TSHZ3: variants seen among roughly 807,000 people sequenced by gnomAD.
The protein encoded by TSHZ3 is teashirt homolog 3.
Under a neutral mutation model 64.5 loss-of-function variants are expected in TSHZ3, and 10 were observed. That is an observed-to-expected ratio of 0.16 (90% CI 0.10 to 0.26). The LOEUF (loss-of-function observed/expected upper bound fraction) is 0.26. Ranked by LOEUF, TSHZ3 falls within the 10% of genes least tolerant of loss-of-function variation. The probability of loss-of-function intolerance (pLI) is 1.00; values close to 1 mark genes in which losing one functional copy is unlikely to be tolerated. For synonymous variants in TSHZ3, 608 were observed against 593.1 expected (o/e 1.03, Z -0.36); for missense variants, 1,242 against 1,421.7 (o/e 0.87, Z 2.03).
Position 31,277,981 on chromosome 19 carries a change from C to A in TSHZ3, c.1812G>T (p.Lys604Asn). ...PPSSQTSPMP[K>N]TNFHAMEELV... ...GCTCCTCCATGGCATGAAAGTTTGT[C>A]TTGGGCATGGGGGACGTCTGGCTGC... Residue 604 changes from lysine (K) to asparagine (N), a missense_variant, in exon 2 of 2, where the codon AAG becomes AAT. This residue lies in a region of TSHZ3 where 550 missense variants were observed against 545.1 expected (regional missense o/e 1.01). Transcript: ENST00000240587. The surrounding 1 kb of genome is among the most constrained non-coding windows in gnomAD (Gnocchi z 4.5). 1.2e-6 allele frequency: 2 copies of A among 1,614,196 alleles called. No homozygotes were observed. The highest frequency in any genetic ancestry group is 1.7e-6 in the Non-Finnish European group (2 of 1,180,024).
chr19:31,256,080 G>A (rs1461584984), intron 1 of TSHZ3, among the ~76,000 whole-genome samples: 1 of 152,126 alleles, frequency 6.6e-6, no homozygotes, highest in Non-Finnish European at 1.5e-5. Flanking sequence ...CAAGCATGCA[G>A]CCTTGGTCCC....
chr19:31,188,471 G>A (rs952335306), intron 5 of TSHZ3, among the ~76,000 whole-genome samples: 1 of 151,930 alleles, frequency 6.6e-6, no homozygotes, highest in Non-Finnish European at 1.5e-5. Flanking sequence ...AACTCTATCA[G>A]ATTGAGAAAT....
chr19:31,287,273 A>C (rs938889162), intron 1 of TSHZ3, among the ~76,000 whole-genome samples: 1 of 152,210 alleles, frequency 6.6e-6, no homozygotes, highest in Non-Finnish European at 1.5e-5. Flanking sequence ...GGCTGAAATA[A>C]AGGTTCTGAA....
chr19:31,173,898 C>A (rs555310121), intron 5 of TSHZ3, among the ~76,000 whole-genome samples: 5 of 151,992 alleles, frequency 3.3e-5, no homozygotes, highest in Non-Finnish European at 7.4e-5. Flanking sequence ...GGTGAAACCC[C>A]GTCTCTACTA....
chr19:31,215,150 C>T (rs964871811), intron 4 of TSHZ3, among the ~76,000 whole-genome samples: 3 of 152,036 alleles, frequency 2.0e-5, no homozygotes, highest in Admixed American at 6.6e-5. Flanking sequence ...AGAATTGTGG[C>T]GCTATATCAT....
chr19:31,300,073 T>C (rs563437258), intron 1 of TSHZ3, among the ~76,000 whole-genome samples: 4 of 152,196 alleles, frequency 2.6e-5, no homozygotes, highest in South Asian at 2.1e-4. Context: ...AGAGTGTGTG[T>C]GTGTGTGTGA....
At position 31,337,247 on chromosome 19, in the gene TSHZ3, G is replaced by A. The variant is rs190861394; in HGVS notation, c.40+11933C>T. Among the ~76,000 whole-genome samples, 7 of 152,126 alleles carry A rather than the reference G, an allele frequency of 4.6e-5. No individual in the cohort carries two copies. The East Asian group carries it at 1.4e-3, about 29-fold the overall frequency. On this transcript the variant is annotated intron_variant, in intron 1 of 1. Transcript: ENST00000240587. ...GGATGAGCCCCCAAGATGGATGGCT[G>A]CAATAAATCATGTCTCCAGCCATAA...
intron 5 of TSHZ3, among the ~76,000 whole-genome samples, chr19:31,204,007 A>T (rs1975125654): frequency 6.6e-6 from 1 of 152,066 alleles, no homozygotes; most frequent in Middle Eastern, 3.2e-3. Context: ...GGAAGCAAAC[A>T]CCTTCACATG....
intron 3 of TSHZ3, among the ~76,000 whole-genome samples, chr19:31,237,757 GC>G (rs1455730965): frequency 3.9e-5 from 6 of 152,040 alleles, no homozygotes; most frequent in Non-Finnish European, 8.8e-5. Flanking sequence ...TCGAAGTATT[GC>G]TTTAGCTGTA....
At chr19:31,247,261 G>A (rs2145188663) in intron 1 of TSHZ3, among the ~76,000 whole-genome samples, 1 of 152,192 alleles carries the variant, frequency 6.6e-6, no homozygotes, top group African/African-American at 2.4e-5. Flanking sequence ...TTATTTCAAA[G>A]GAAAAGGACA....
chr19:31,161,519 T>C (rs984027447), intron 5 of TSHZ3, among the ~76,000 whole-genome samples: 5 of 152,192 alleles, frequency 3.3e-5, no homozygotes, highest in Non-Finnish European at 4.4e-5. Flanking sequence ...CCACAGTTTC[T>C]CCTCTTTAGA....
At chr19:31,336,052 T>G (rs1385018604) in intron 1 of TSHZ3, among the ~76,000 whole-genome samples, 2 of 152,246 alleles carry the variant, frequency 1.3e-5, no homozygotes, top group Non-Finnish European at 2.9e-5. Context: ...TCAAGCCTTT[T>G]TTCCTCCTGC....
intron 1 of TSHZ3, among the ~76,000 whole-genome samples, chr19:31,307,603 C>T (rs1916337789): frequency 6.6e-6 from 1 of 152,200 alleles, no homozygotes; most frequent in Non-Finnish European, 1.5e-5. Context: ...CCTCAAACTC[C>T]ACTTCTGATT....
chr19:31,298,634 G>T (rs1220524372), intron 1 of TSHZ3, among the ~76,000 whole-genome samples: 2 of 152,146 alleles, frequency 1.3e-5, no homozygotes, highest in Non-Finnish European at 2.9e-5. Flanking sequence ...ACTCCTGGGG[G>T]TACCTTCTGC....
At chr19:31,239,896 T>A (rs1975666798) in intron 3 of TSHZ3, among the ~76,000 whole-genome samples, 1 of 152,224 alleles carries the variant, frequency 6.6e-6, no homozygotes, top group African/African-American at 2.4e-5. Flanking sequence ...GCCTTCATTG[T>A]TTGATATGAA....
intron 5 of TSHZ3, among the ~76,000 whole-genome samples, chr19:31,204,470 C>A (rs1304914459): frequency 6.6e-6 from 1 of 151,928 alleles, no homozygotes; most frequent in Non-Finnish European, 1.5e-5. Flanking sequence ...GTGTGGTGGA[C>A]AAATGCAGAG....
chr19:31,168,984 T>A (rs568231277), intron 5 of TSHZ3, among the ~76,000 whole-genome samples: 23 of 152,174 alleles, frequency 1.5e-4, no homozygotes, highest in Admixed American at 1.2e-3. Context: ...AGAAGACATA[T>A]TGAAAAATTA....
chr19:31,295,239 G>GT (rs1268684513), intron 1 of TSHZ3, among the ~76,000 whole-genome samples: 4 of 152,194 alleles, frequency 2.6e-5, no homozygotes, highest in Admixed American at 2.0e-4. Flanking sequence ...TTGAAAATCT[G>GT]TTTGTCAGTA....
At chr19:31,235,005 GT>G (rs1002789824) in intron 3 of TSHZ3, among the ~76,000 whole-genome samples, 3 of 152,108 alleles carry the variant, frequency 2.0e-5, no homozygotes, top group African/African-American at 7.2e-5. Flanking sequence ...TGTATGGGAA[GT>G]TTTTTTATGA....
Sources: gnomAD v4.1 joint callset for allele counts (sites outside exome capture counted in the v4.1 genomes callset) on GRCh38, gnomAD v4.1.1 for gene constraint, gnomAD v4.1.1 regional missense constraint, Gnocchi (gnomAD v3.1) non-coding constraint, MANE v1.5 for transcripts, NCBI Gene and HGNC (gene_info 2026-07-23, HGNC 2026-07-21) for gene names.